Variants in RPS27L observed in about 807,000 individuals in gnomAD.
RPS27L encodes ribosomal protein eS27-like.
RPS27L carries 10 observed loss-of-function variants against 12.8 expected under a neutral mutation model. The observed-to-expected ratio is 0.78, with a 90% CI of 0.48 to 1.33. The LOEUF is 1.33. Ranked by LOEUF, RPS27L falls within the 40% of genes most tolerant of loss-of-function variation. The pLI, the probability that RPS27L is intolerant of heterozygous loss-of-function variation, is 0.00. For synonymous variants in RPS27L, 26 were observed against 32.3 expected (o/e 0.81, Z 0.66); for missense variants, 81 against 97.4 (o/e 0.83, Z 0.71).
intron 3 of RPS27L, chr15:63,154,849 A>T (rs1312110243): frequency 6.6e-6 from 1 of 152,142 alleles, no homozygotes; most frequent in East Asian, 1.9e-4. Context: ...AGTTGCTCAT[A>T]AAAGTAAAAT....
At chr15:63,155,772 G>A in intron 2 of RPS27L, 41 bp from the exon 3 acceptor site, 1 of 1,222,538 alleles carries the variant, frequency 8.2e-7, no homozygotes, top group Non-Finnish European at 1.1e-6. Flanking sequence ...GAAAAGCAGA[G>A]GAAAACAGCA....
chr15:63,153,343 A>G lies in RPS27L; in HGVS notation c.*689T>C, dbSNP rs1303265040. ...AGGCATTACACTGTGATCAATATGT[A>G]TTTTTTTGAAACTATTCTTTTTAAT... On this transcript the variant is annotated 3_prime_UTR_variant, in exon 4 of 4. Coordinates refer to ENST00000330964, the MANE Select transcript of RPS27L (RefSeq NM_015920.4). The G allele has an allele frequency of 6.6e-6, 1 of 152,190 alleles. No individual in the cohort carries two copies. The highest frequency in any genetic ancestry group is 2.4e-5 in the African/African-American group (1 of 41,432). The allele number at this position is 152,190 out of a possible 1,614,324, so 9.4% of individuals were successfully genotyped here. A position where few individuals can be genotyped will look rare whatever the true frequency, so the allele number is the denominator to read the frequency against.
intron 1 of RPS27L, chr15:63,156,817 C>A: frequency 7.4e-6 from 4 of 542,218 alleles, no homozygotes; most frequent in Non-Finnish European, 1.3e-5. Context: ...ATGAAAACTG[C>A]GCGAAGTCGA....
In RPS27L at chr15:63,153,787, C is replaced by A; in HGVS notation, c.*245G>T. The A allele has an allele frequency of 1.9e-5, 8 of 415,944 alleles. No individual in the cohort carries two copies. The highest frequency in any genetic ancestry group is 1.3e-4 in the East Asian group (3 of 22,960). The allele number at this position is 415,944 out of a possible 1,614,324, so 25.8% of individuals were successfully genotyped here. On this transcript the variant is annotated 3_prime_UTR_variant, in exon 4 of 4. Coordinates refer to ENST00000330964, the MANE Select transcript of RPS27L (RefSeq NM_015920.4). ...AATTTTAAAATGTTTAAACCAAATTCATATACACCATATATATAAATGTAT... is the reference window on the plus strand; with the variant it reads ...AATTTTAAAATGTTTAAACCAAATTAATATACACCATATATATAAATGTAT...
chr15:63,157,327 G>A, intron 1 of RPS27L, 73 bp downstream of exon 1: 2 of 1,540,872 alleles, frequency 1.3e-6, no homozygotes, highest in African/African-American at 1.4e-5. Flanking sequence ...AGAGGCAGCC[G>A]GACTCATCCG....
Position 63,154,058 on chromosome 15 carries a change from AC to A in RPS27L, c.228del (p.Cys77ValfsTer35). Reference sequence around the variant, plus strand: ...TAGTGTTGCTTTCTTCTAAATGAACACCCTGCAAAAGAATCATGAGAGTATA... The same window carrying A: ...TAGTGTTGCTTTCTTCTAAATGAACACCTGCAAAAGAATCATGAGAGTATA... ...PTGGKARLTE[G>X]CSFRRKQH is the part of the protein sequence containing the mutation. On this transcript the variant is annotated frameshift_variant and splice_region_variant, in exon 4 of 4. Transcript: ENST00000330964. LOFTEE classifies it high-confidence loss of function. 1 of 1,607,906 alleles carries A rather than the reference AC, an allele frequency of 6.2e-7. No individual in the cohort carries two copies. Among genetic ancestry groups the A allele is most frequent in the Non-Finnish European group, 8.5e-7 (1 of 1,175,060 alleles).
At chr15:63,155,965 T>C (rs1297532351) in intron 2 of RPS27L, among the ~76,000 whole-genome samples, 3 of 152,172 alleles carry the variant, frequency 2.0e-5, no homozygotes, top group Non-Finnish European at 4.4e-5. Context: ...ATGTAATCAA[T>C]GTATTTTTTT....
rs1027154326 is a variant in RPS27L at position 63,152,926 on chromosome 15, C to A, written c.*1106G>T. ...AGGCCTACCTGTTGATAGGAAATGC[C>A]TGTTTTAAATACCTGCCACAAGGTA... On this transcript the variant is annotated 3_prime_UTR_variant, in exon 4 of 4. Coordinates refer to ENST00000330964, the MANE Select transcript of RPS27L (RefSeq NM_015920.4). 1.3e-5 allele frequency: 2 copies of A among 152,132 alleles called. No individual in the cohort carries two copies. Among genetic ancestry groups the A allele is most frequent in the African/African-American group, 4.8e-5 (2 of 41,406 alleles). The allele number at this position is 152,132 out of a possible 1,614,324, so 9.4% of individuals were successfully genotyped here. A position where few individuals can be genotyped will look rare whatever the true frequency, so the allele number is the denominator to read the frequency against.
chr15:63,157,295 ACT>A, intron 1 of RPS27L, 103 bp downstream of exon 1: 1 of 1,268,082 alleles, frequency 7.9e-7, no homozygotes, highest in East Asian at 2.3e-5. Context: ...CCGCCTCGCC[ACT>A]CTCGGACACT....
chr15:63,155,733 T>TA lies in RPS27L; in HGVS notation c.116-3dup, dbSNP rs368882344. On this transcript the variant is annotated splice_polypyrimidine_tract_variant and splice_region_variant and intron_variant, in intron 2 of 3. Coordinates refer to ENST00000330964, the MANE Select transcript of RPS27L (RefSeq NM_015920.4). ...AAACCGTGGTGATCTTGTAGCAACC[T>TA]AAAAAAAAAAAAAGGCAATGTTAAA... The TA allele has an allele frequency of 0.044, 50,453 of 1,155,738 alleles. 2 individuals carry two copies. Among genetic ancestry groups the TA allele is most frequent in the Non-Finnish European group, 0.049 (42,784 of 869,476 alleles). 71.6% of individuals were successfully genotyped at this position (1,155,738 alleles called of 1,614,324 possible).
rs1198167648 is a variant in RPS27L, at chr15:63,157,451, A to T, written c.-46T>A. The T allele has an allele frequency of 6.2e-7, 1 of 1,611,784 alleles. No homozygotes were observed. The highest frequency in any genetic ancestry group is 1.3e-5 in the African/African-American group (1 of 74,964). On this transcript the variant is annotated 5_prime_UTR_variant, in exon 1 of 4. Transcript: ENST00000330964. Reference sequence around the variant, plus strand: ...AGCCCTACCAGACCTCCCAGCCCACACAGCTAGCAAGCTGCAAGCGATCTG... The same window carrying T: ...AGCCCTACCAGACCTCCCAGCCCACTCAGCTAGCAAGCTGCAAGCGATCTG...
intron 1 of RPS27L, chr15:63,156,941 T>A: frequency 2.7e-6 from 1 of 368,188 alleles, no homozygotes; most frequent in Non-Finnish European, 4.9e-6. Flanking sequence ...GCTCAACAGC[T>A]GATCTGACAG....
Position 63,150,179 on chromosome 15 carries a change from A to C in RPS27L, c.*3853T>G, listed in dbSNP as rs1441855978. 1.3e-5 allele frequency: 2 copies of C among 152,264 alleles called. No homozygotes were observed. Among genetic ancestry groups the C allele is most frequent in the East Asian group, 3.8e-4 (2 of 5,204 alleles). The allele number at this position is 152,264 out of a possible 1,614,324, so 9.4% of individuals were successfully genotyped here. ...CAGAATATTGTCAAAAAAAGGAATG[A>C]AATATTGATACATGCAACAGCATGG... On this transcript the variant is annotated 3_prime_UTR_variant, in exon 4 of 4. Transcript: ENST00000330964.
At position 63,153,201 on chromosome 15, in the gene RPS27L, T is replaced by G. The variant is rs2037311784; in HGVS notation, c.*831A>C. The stretch of plus-strand genomic sequence containing the variant: ...ACTTCTGCGGGTAAATCATGCCACT[T>G]CAGATTTCTCCTCAAATTTTCTACC... On this transcript the variant is annotated 3_prime_UTR_variant, in exon 4 of 4. Transcript: ENST00000330964. 6.6e-6 allele frequency: 1 copy of G among 152,144 alleles called. No homozygotes were observed. Among genetic ancestry groups the G allele is most frequent in the Admixed American group, 6.6e-5 (1 of 15,260 alleles). The allele number at this position is 152,144 out of a possible 1,614,324, so 9.4% of individuals were successfully genotyped here.
At chr15:63,156,623 C>T (rs1403621947) in intron 1 of RPS27L, 102 bp from the exon 2 acceptor site, 3 of 753,174 alleles carry the variant, frequency 4.0e-6, no homozygotes, top group Non-Finnish European at 4.6e-6. Flanking sequence ...AACGGTCATC[C>T]TCGGCAGAAG....
chr15:63,154,000 CAAAATT>C lies in RPS27L; in HGVS notation c.*26_*31del, dbSNP rs59953192. 179,090 of 1,552,560 alleles carry C rather than the reference CAAAATT, an allele frequency of 0.12. 14,960 individuals carry two copies. Among genetic ancestry groups the C allele is most frequent in the East Asian group, 0.45 (20,005 of 44,224 alleles). ...TGATAAGGCTTTCTGTGAGACAACA[CAAAATT>C]AAAATTCAGGAAGCTGTTTGAATCA... On this transcript the variant is annotated 3_prime_UTR_variant, in exon 4 of 4. Coordinates refer to ENST00000330964, the MANE Select transcript of RPS27L (RefSeq NM_015920.4).
In RPS27L at chr15:63,155,733, T is replaced by TTAA; in HGVS notation, c.116-3_116-2insTTA. The TTAA allele has an allele frequency of 8.2e-7, 1 of 1,212,638 alleles. No individual in the cohort carries two copies. Among genetic ancestry groups the TTAA allele is most frequent in the East Asian group, 2.9e-5 (1 of 34,774 alleles). The allele number at this position is 1,212,638 out of a possible 1,614,324, so 75.1% of individuals were successfully genotyped here. A position where few individuals can be genotyped will look rare whatever the true frequency, so the allele number is the denominator to read the frequency against. ...AAACCGTGGTGATCTTGTAGCAACC[T>TTAA]AAAAAAAAAAAAAGGCAATGTTAAA... On this transcript the variant is annotated splice_polypyrimidine_tract_variant and splice_region_variant and intron_variant, in intron 2 of 3. Transcript: ENST00000330964.
chr15:63,154,180 T>C (rs201212809), intron 3 of RPS27L, 120 bp from the exon 4 acceptor site: 2 of 743,964 alleles, frequency 2.7e-6, no homozygotes, highest in Non-Finnish European at 4.6e-6. Context: ...TTAATACTCA[T>C]ATACAGATTA....
At chr15:63,157,366 A>G in intron 1 of RPS27L, 34 bp downstream of exon 1, 1 of 1,613,636 alleles carries the variant, frequency 6.2e-7, no homozygotes, top group Non-Finnish European at 8.5e-7. Context: ...AAAGAAGCCC[A>G]AAACAAACCC....
Sources: gnomAD v4.1 joint callset for allele counts (sites outside exome capture counted in the v4.1 genomes callset) on GRCh38, gnomAD v4.1.1 for gene constraint, MANE v1.5 for transcripts, NCBI Gene and HGNC (gene_info 2026-07-23, HGNC 2026-07-21) for gene names.